The following LY96 variants were observed in gnomAD, a reference collection of about 807,000 sequenced individuals.
LY96 encodes lymphocyte antigen 96.
A neutral mutation model predicts 18.9 loss-of-function variants in LY96; 18 were observed. The observed-to-expected ratio is 0.95, with a 90% CI of 0.66 to 1.41. The LOEUF (loss-of-function observed/expected upper bound fraction) is 1.41. LY96 is among the 40% of genes most tolerant of loss of function. The probability of loss-of-function intolerance (pLI) is 0.00; values close to 1 mark genes in which losing one functional copy is unlikely to be tolerated. For synonymous variants in LY96, 66 were observed against 62.6 expected (o/e 1.06, Z -0.26); for missense variants, 175 against 182.4 (o/e 0.96, Z 0.23).
chr8:74,069,416 G>A, the LY96 span, among the ~76,000 whole-genome samples: 2 of 152,084 alleles, frequency 1.3e-5, no homozygotes, highest in East Asian at 1.9e-4. Flanking sequence ...ATATCCTCAG[G>A]AGACTGGGGA....
At chr8:74,050,227 C>T in the LY96 span, among the ~76,000 whole-genome samples, 146 of 151,960 alleles carry the variant, frequency 9.6e-4, 1 homozygote, top group Middle Eastern at 3.4e-3. Flanking sequence ...CCTGTAATCC[C>T]GGCTACTCAG....
At chr8:74,053,796 A>C in the LY96 span, among the ~76,000 whole-genome samples, 1 of 152,202 alleles carries the variant, frequency 6.6e-6, no homozygotes, top group African/African-American at 2.4e-5. Flanking sequence ...GCCTTTTGGG[A>C]GGAGTATAGA....
At chr8:74,080,986 CTTTCTTTCTTT>C in the LY96 span, among the ~76,000 whole-genome samples, 1 of 46,164 alleles carries the variant, frequency 2.2e-5, no homozygotes, top group Non-Finnish European at 4.2e-5. Context: ...CTTTCTCTCT[CTTTCTTTCTTT>C]CTTTCTTTCT....
chr8:74,037,706 C>G, the LY96 span, among the ~76,000 whole-genome samples: 41,102 of 152,034 alleles, frequency 0.27, 6,788 homozygotes, highest in African/African-American at 0.47. Flanking sequence ...TGGAGTCATT[C>G]AATCACCCAA....
At chr8:74,069,181 A>G in the LY96 span, among the ~76,000 whole-genome samples, 1 of 152,196 alleles carries the variant, frequency 6.6e-6, no homozygotes, top group East Asian at 1.9e-4. Context: ...TCTTTTTTAA[A>G]CAATGTCCCC....
intron 3 of LY96, among the ~76,000 whole-genome samples, chr8:74,019,915 G>A (rs57799004): frequency 0.049 from 7,508 of 152,080 alleles, 626 homozygotes; most frequent in African/African-American, 0.17. Flanking sequence ...TTGATGGAAC[G>A]TATCTCAAAA....
chr8:74,023,368 C>T (rs1816808121), intron 3 of LY96, among the ~76,000 whole-genome samples: 1 of 152,204 alleles, frequency 6.6e-6, no homozygotes. Flanking sequence ...CATCCCCTGC[C>T]CCACCCCGAA....
the LY96 span, among the ~76,000 whole-genome samples, chr8:74,080,344 C>T: frequency 1.3e-5 from 2 of 152,210 alleles, no homozygotes; most frequent in South Asian, 2.1e-4. Context: ...TGCTCATGGC[C>T]GTGGTTGAGG....
chr8:74,031,773 C>A (rs1816973591), downstream of LY96, among the ~76,000 whole-genome samples: 1 of 151,820 alleles, frequency 6.6e-6, no homozygotes, highest in African/African-American at 2.4e-5. Context: ...CCTCTGAGAC[C>A]TGTGGTTACC....
chr8:74,097,728 G>A, the LY96 span, among the ~76,000 whole-genome samples: 6 of 122,632 alleles, frequency 4.9e-5, no homozygotes, highest in African/African-American at 8.0e-5. Context: ...AAATAAATAA[G>A]TAAATAAATA....
At chr8:74,078,782 G>A in the LY96 span, among the ~76,000 whole-genome samples, 1 of 152,062 alleles carries the variant, frequency 6.6e-6, no homozygotes, top group Admixed American at 6.6e-5. Flanking sequence ...TAACTTCCTG[G>A]AACTAGAAAA....
chr8:74,007,906 C>T (rs568422101), intron 2 of LY96, among the ~76,000 whole-genome samples: 1 of 152,298 alleles, frequency 6.6e-6, no homozygotes, highest in African/African-American at 2.4e-5. Context: ...ATTACAGGCG[C>T]CTGCCACTGC....
chr8:74,041,439 G>A, the LY96 span, among the ~76,000 whole-genome samples: 27 of 152,278 alleles, frequency 1.8e-4, 1 homozygote, highest in South Asian at 5.2e-3. Context: ...ACAACCATAA[G>A]GTCTGACTGC....
intron 1 of LY96, among the ~76,000 whole-genome samples, chr8:73,993,293 T>C (rs1816048368): frequency 6.6e-6 from 1 of 152,010 alleles, no homozygotes; most frequent in Non-Finnish European, 1.5e-5. Flanking sequence ...TCATTTATTT[T>C]TGAGACAGGG....
chr8:74,003,362 C>A (rs1322177118), intron 1 of LY96, among the ~76,000 whole-genome samples: 1 of 152,220 alleles, frequency 6.6e-6, no homozygotes, highest in Non-Finnish European at 1.5e-5. Flanking sequence ...AGCAGGCTTA[C>A]AGTGGCACAA....
chr8:74,092,254 C>G, the LY96 span, among the ~76,000 whole-genome samples: 6 of 152,146 alleles, frequency 3.9e-5, no homozygotes, highest in Admixed American at 2.0e-4. Context: ...TTCATTTTAT[C>G]AGAGAAGCAT....
chr8:74,027,311 C>CTTTT (rs546118809), intron 4 of LY96, among the ~76,000 whole-genome samples: 1 of 135,642 alleles, frequency 7.4e-6, no homozygotes. Flanking sequence ...TTAGAATTAG[C>CTTTT]TTTTTTTTTT....
chr8:74,003,224 G>A (rs1816336141), intron 1 of LY96, among the ~76,000 whole-genome samples: 1 of 152,158 alleles, frequency 6.6e-6, no homozygotes, highest in Admixed American at 6.6e-5. Flanking sequence ...AGAGACCTCG[G>A]GGGAAAGCAA....
the LY96 span, among the ~76,000 whole-genome samples, chr8:74,059,455 T>TA: frequency 6.6e-6 from 1 of 152,170 alleles, no homozygotes; most frequent in Non-Finnish European, 1.5e-5. Flanking sequence ...AAGACATTTT[T>TA]AAAAAGTTGT....
Sources: gnomAD v4.1 joint callset for allele counts (sites outside exome capture counted in the v4.1 genomes callset) on GRCh38, gnomAD v4.1.1 for gene constraint, MANE v1.5 for transcripts, NCBI Gene and HGNC (gene_info 2026-07-23, HGNC 2026-07-21) for gene names.